The following PAK5 variants were observed in gnomAD, a reference collection of about 807,000 sequenced individuals.
PAK5 encodes the protein p21 (RAC1) activated kinase 5.
PAK5 carries 16 observed loss-of-function variants against 65.9 expected under a neutral mutation model. That is an observed-to-expected ratio of 0.24 (90% confidence interval 0.16 to 0.37). The LOEUF (loss-of-function observed/expected upper bound fraction) is 0.37, where lower values mean the gene tolerates loss of function less well. Among genes scored for constraint, PAK5 ranks in the 10% least tolerant of loss-of-function variants. The probability of loss-of-function intolerance (pLI) is 1.00; values close to 1 mark genes in which losing one functional copy is unlikely to be tolerated. For missense variants in PAK5, 785 were observed against 903.9 expected, an observed-to-expected ratio of 0.87 and a Z score of 1.69; for synonymous variants, 371 against 354.9, an observed-to-expected ratio of 1.05 and a Z score of -0.51.
intron 1 of PAK5, among the ~76,000 whole-genome samples, chr20:9,807,917 A>G (rs1358637390): frequency 6.6e-6 from 1 of 152,118 alleles, no homozygotes; most frequent in Non-Finnish European, 1.5e-5. Flanking sequence ...TAGCACATGC[A>G]GGAGAGTTCC....
At chr20:9,827,995 C>T (rs1284080017) in intron 1 of PAK5, among the ~76,000 whole-genome samples, 1 of 152,140 alleles carries the variant, frequency 6.6e-6, no homozygotes, top group African/African-American at 2.4e-5. Flanking sequence ...CCATGCCCAG[C>T]TAATGTTTTT....
Position 9,744,057 on chromosome 20 carries a change from C to T in PAK5, c.-161-32622G>A, listed in dbSNP as rs1600315584. ...GAAGACTGCAGGATGTGGCCACAAGCCAAAGAATGCTGGAATCCACCAGAA... is the reference window on the plus strand; with the variant it reads ...GAAGACTGCAGGATGTGGCCACAAGTCAAAGAATGCTGGAATCCACCAGAA... On this transcript the variant is annotated intron_variant, in intron 1 of 9. Coordinates refer to ENST00000353224, the MANE Select transcript of PAK5 (RefSeq NM_177990.4). Among the ~76,000 whole-genome samples, 4 of 152,124 alleles carry T rather than the reference C, an allele frequency of 2.6e-5. No homozygotes were observed. The South Asian group carries it at 8.3e-4, about 32-fold the overall frequency.
intron 1 of PAK5, among the ~76,000 whole-genome samples, chr20:9,728,319 T>A: frequency 6.6e-6 from 1 of 152,112 alleles, no homozygotes; most frequent in Middle Eastern, 3.2e-3. Flanking sequence ...TGTTTCTAAG[T>A]CACCCAATCC....
At chr20:9,812,490 A>T (rs1476979196) in intron 1 of PAK5, among the ~76,000 whole-genome samples, 1 of 152,156 alleles carries the variant, frequency 6.6e-6, no homozygotes, top group Non-Finnish European at 1.5e-5. Context: ...AAAGTGTTGG[A>T]ACAATTGGAA....
chr20:9,803,290 C>G (rs2049193943), intron 1 of PAK5, among the ~76,000 whole-genome samples: 1 of 151,980 alleles, frequency 6.6e-6, no homozygotes, highest in Admixed American at 6.6e-5. Context: ...CTACAAAACC[C>G]CTTGAACAGA....
chr20:9,642,662 G>A (rs1338176701), intron 3 of PAK5, among the ~76,000 whole-genome samples: 7 of 152,110 alleles, frequency 4.6e-5, no homozygotes, highest in Non-Finnish European at 7.3e-5. Flanking sequence ...CCTTCTCTTA[G>A]GGAGAAAATT....
intron 3 of PAK5, among the ~76,000 whole-genome samples, chr20:9,638,233 T>C (rs540315685): frequency 1.4e-4 from 22 of 152,366 alleles, no homozygotes; most frequent in Admixed American, 1.4e-3. Context: ...TAATATTGCT[T>C]ATGATGTTCT....
rs192962346 is a variant in PAK5, at chr20:9,580,086, C to T, written c.990+59G>A. The T allele has an allele frequency of 2.2e-4, 314 of 1,426,570 alleles. 1 individual carries two copies. In the Middle Eastern group the frequency reaches 2.7e-3, roughly 12 times the overall value. 88.4% of individuals were successfully genotyped at this position (1,426,570 alleles called of 1,614,324 possible). A position where few individuals can be genotyped will look rare whatever the true frequency, so the allele number is the denominator to read the frequency against. On this transcript the variant is annotated intron_variant, in intron 4 of 9. Coordinates refer to ENST00000353224, the MANE Select transcript of PAK5 (RefSeq NM_177990.4). ...ATCCAATCGTATAAAAAGGTCGTGC[C>T]AGCACCACCCCTGTGGAGGTTTTTG...
At chr20:9,725,250 T>C (rs1292483115) in intron 1 of PAK5, among the ~76,000 whole-genome samples, 2 of 152,170 alleles carry the variant, frequency 1.3e-5, no homozygotes, top group African/African-American at 4.8e-5. Flanking sequence ...TGCAAAAATT[T>C]ACAGAAATAT....
intron 5 of PAK5, among the ~76,000 whole-genome samples, chr20:9,564,329 A>T (rs1474109337): frequency 6.6e-6 from 1 of 152,252 alleles, no homozygotes; most frequent in Non-Finnish European, 1.5e-5. Flanking sequence ...ACAAATATAC[A>T]GAGAAGGGTT....
intron 1 of PAK5, among the ~76,000 whole-genome samples, chr20:9,723,267 C>T (rs1385888119): frequency 6.6e-6 from 1 of 152,126 alleles, no homozygotes; most frequent in Non-Finnish European, 1.5e-5. Flanking sequence ...GTAGTGGGAA[C>T]AGTGAGACGT....
At chr20:9,797,351 A>G (rs1462472625) in intron 1 of PAK5, among the ~76,000 whole-genome samples, 1 of 152,012 alleles carries the variant, frequency 6.6e-6, no homozygotes, top group Non-Finnish European at 1.5e-5. Flanking sequence ...TTGTAGGGAC[A>G]TGGATGAAGC....
intron 1 of PAK5, among the ~76,000 whole-genome samples, chr20:9,753,526 T>G (rs1446452538): frequency 6.6e-6 from 1 of 152,104 alleles, no homozygotes; most frequent in Non-Finnish European, 1.5e-5. Context: ...TATTTTTTTC[T>G]TAATTCTTGG....
At chr20:9,837,343 C>A (rs2123798523) in intron 1 of PAK5, among the ~76,000 whole-genome samples, 1 of 152,316 alleles carries the variant, frequency 6.6e-6, no homozygotes, top group South Asian at 2.1e-4. Context: ...CTGACTCATT[C>A]TCGCCACCTA....
At chr20:9,602,607 C>T (rs1428239523) in intron 3 of PAK5, among the ~76,000 whole-genome samples, 1 of 152,178 alleles carries the variant, frequency 6.6e-6, no homozygotes, top group Non-Finnish European at 1.5e-5. Context: ...TTTTGCACTG[C>T]AGGACTTTTC....
At chr20:9,780,177 A>T (rs899371080) in intron 1 of PAK5, among the ~76,000 whole-genome samples, 4 of 152,096 alleles carry the variant, frequency 2.6e-5, no homozygotes, top group East Asian at 1.9e-4. Context: ...AAAATTAGAT[A>T]AAAAATACAC....
chr20:9,592,022 C>G (rs2046180970), intron 3 of PAK5, among the ~76,000 whole-genome samples: 1 of 152,090 alleles, frequency 6.6e-6, no homozygotes, highest in South Asian at 2.1e-4. Context: ...ATTGACTGTT[C>G]TTAGATGCCA....
chr20:9,765,363 A>G (rs1467591382), intron 1 of PAK5, among the ~76,000 whole-genome samples: 1 of 152,204 alleles, frequency 6.6e-6, no homozygotes, highest in Non-Finnish European at 1.5e-5. Context: ...TTATTAATTT[A>G]TTCATAGTAG....
chr20:9,749,393 A>G lies in PAK5; in HGVS notation c.-161-37958T>C, dbSNP rs564077060. ...TAAAACATATCTGATATTTGAATGT[A>G]TACAATTGGTTTTATGCCTTTTCCC... On this transcript the variant is annotated intron_variant, in intron 1 of 9. Transcript: ENST00000353224. Among the ~76,000 whole-genome samples the G allele has an allele frequency of 1.1e-4, 16 of 152,292 alleles. 1 individual carries two copies. In the South Asian group the frequency reaches 3.3e-3, roughly 32 times the overall value.
Sources: allele counts gnomAD v4.1 joint callset (sites outside exome capture counted in the v4.1 genomes callset), GRCh38; gene constraint gnomAD v4.1.1; transcripts MANE v1.5; gene names NCBI Gene and HGNC (gene_info 2026-07-23, HGNC 2026-07-21).